CPEB3: variants seen among roughly 807,000 people sequenced by gnomAD.
CPEB3 encodes the protein cytoplasmic polyadenylation element binding protein 3.
A neutral mutation model predicts 67.2 loss-of-function variants in CPEB3; 20 were observed. That is an observed-to-expected ratio of 0.30 (90% CI 0.21 to 0.43). CPEB3 has a LOEUF of 0.43. Ranked by LOEUF, CPEB3 falls within the 20% of genes least tolerant of loss-of-function variation. The pLI, the probability that CPEB3 is intolerant of heterozygous loss-of-function variation, is 1.00. For synonymous variants in CPEB3, 376 were observed against 393.1 expected, an observed-to-expected ratio of 0.96 and a Z score of 0.51; for missense variants, 746 against 968.6, an observed-to-expected ratio of 0.77 and a Z score of 3.05.
intron 6 of CPEB3, among the ~76,000 whole-genome samples, chr10:92,136,526 A>G (rs1846104332): frequency 6.6e-6 from 1 of 152,156 alleles, no homozygotes; most frequent in Admixed American, 6.5e-5. Flanking sequence ...AACGGGCAAA[A>G]GAGAGTTTCT....
chr10:92,155,328 A>G (rs560770695), intron 4 of CPEB3, among the ~76,000 whole-genome samples: 74 of 152,342 alleles, frequency 4.9e-4, no homozygotes, highest in Admixed American at 1.3e-3. Context: ...CTTAATTTTT[A>G]TTCTTTTTGG....
At chr10:92,265,232 G>T (rs1315052444) in intron 1 of CPEB3, among the ~76,000 whole-genome samples, 1 of 152,042 alleles carries the variant, frequency 6.6e-6, no homozygotes. Context: ...AAGACTTGTG[G>T]TTGTTGGGCC....
chr10:92,070,529 C>T (rs1343598184), intron 9 of CPEB3, among the ~76,000 whole-genome samples: 1 of 152,090 alleles, frequency 6.6e-6, no homozygotes, highest in African/African-American at 2.4e-5. Flanking sequence ...GTAATCCCAG[C>T]ACTTTGGGAG....
At chr10:92,201,140 G>A (rs916118428) in intron 2 of CPEB3, among the ~76,000 whole-genome samples, 1 of 152,176 alleles carries the variant, frequency 6.6e-6, no homozygotes, top group Non-Finnish European at 1.5e-5. Flanking sequence ...GCTTAGCAGT[G>A]TGCTAGGGAA....
chr10:92,262,424 C>CT (rs1852844254), intron 1 of CPEB3, among the ~76,000 whole-genome samples: 1 of 152,150 alleles, frequency 6.6e-6, no homozygotes, highest in Non-Finnish European at 1.5e-5. Context: ...TTGTACAACT[C>CT]TAAGAGTTAA....
At chr10:92,068,381 C>A (rs1014449946) in intron 9 of CPEB3, among the ~76,000 whole-genome samples, 19 of 152,076 alleles carry the variant, frequency 1.2e-4, no homozygotes, top group African/African-American at 3.1e-4. Flanking sequence ...CATGGTATCA[C>A]CCCCTCAGGG....
intron 1 of CPEB3, among the ~76,000 whole-genome samples, chr10:92,250,581 T>C (rs1027963858): frequency 2.0e-5 from 3 of 152,210 alleles, no homozygotes; most frequent in Non-Finnish European, 2.9e-5. Flanking sequence ...ATTCATTTAC[T>C]GCTCACTCAC....
At chr10:92,104,988 A>ACAG (rs1844374803) in intron 7 of CPEB3, among the ~76,000 whole-genome samples, 10 of 150,894 alleles carry the variant, frequency 6.6e-5, no homozygotes, top group African/African-American at 1.7e-4. Context: ...GCAGCCTCGG[A>ACAG]CTCCTGACCT....
Position 92,111,090 on chromosome 10 carries a change from T to C in CPEB3, c.1558A>G (p.Ile520Val). ...KLYLCVSSPT[I>V]KDKPVQIRPW... Reference sequence around the variant, plus strand: ...GTATTACTTACTGGCTTGTCCTTGATGGTGGGGCTTGACACACACAGGTAG... The same window carrying C: ...GTATTACTTACTGGCTTGTCCTTGACGGTGGGGCTTGACACACACAGGTAG... Residue 520 changes from isoleucine (I) to valine (V), a missense_variant, in exon 7 of 10, where the codon ATC (isoleucine) becomes GTC (valine). Coordinates refer to ENST00000265997, the MANE Select transcript of CPEB3 (RefSeq NM_014912.5). 6.2e-7 allele frequency: 1 copy of C among 1,612,416 alleles called. No homozygotes were observed. Among genetic ancestry groups the C allele is most frequent in the Non-Finnish European group, 8.5e-7 (1 of 1,178,402 alleles).
At chr10:92,219,905 C>A (rs1373333008) in intron 2 of CPEB3, among the ~76,000 whole-genome samples, 1 of 152,204 alleles carries the variant, frequency 6.6e-6, no homozygotes, top group East Asian at 1.9e-4. Context: ...CGCCTGTAAT[C>A]CCAACACTTT....
intron 1 of CPEB3, among the ~76,000 whole-genome samples, chr10:92,251,385 CCTCTT>C (rs896841012): frequency 2.0e-5 from 3 of 152,014 alleles, no homozygotes; most frequent in East Asian, 3.8e-4. Context: ...TCTCTTCTCT[CCTCTT>C]CTCTCTCTCT....
At chr10:92,145,261 C>T in intron 4 of CPEB3, 176 bp from the exon 5 acceptor site, 1 of 657,154 alleles carries the variant, frequency 1.5e-6, no homozygotes, top group East Asian at 2.7e-5. Flanking sequence ...TGAATATTAC[C>T]AGATAACTTT....
intron 4 of CPEB3, among the ~76,000 whole-genome samples, chr10:92,164,447 G>A (rs1466658699): frequency 4.6e-5 from 7 of 152,084 alleles, no homozygotes; most frequent in Non-Finnish European, 1.0e-4. Flanking sequence ...TTCTTTGTGT[G>A]CTTTTGCAGT....
intron 1 of CPEB3, among the ~76,000 whole-genome samples, chr10:92,267,871 T>C (rs1212016084): frequency 1.3e-5 from 2 of 152,242 alleles, no homozygotes; most frequent in East Asian, 3.8e-4. Context: ...CAGGATGGAC[T>C]GCAGTGGCAC....
Position 92,239,048 on chromosome 10 carries a change from T to C in CPEB3, c.1005+298A>G, listed in dbSNP as rs1851679661. ...CCTTGCCACACACTTGCAGCTTTAC[T>C]TGTCAAAGGAAGTCAAAATAAGAGG... On this transcript the variant is annotated intron_variant, in intron 2 of 9. Coordinates refer to ENST00000265997, the MANE Select transcript of CPEB3 (RefSeq NM_014912.5). The surrounding 1 kb of genome is among the most constrained non-coding windows in gnomAD (Gnocchi z 6.0). Among the ~76,000 whole-genome samples the C allele has an allele frequency of 6.6e-6, 1 of 152,112 alleles. No homozygotes were observed. The highest frequency in any genetic ancestry group is 2.1e-4 in the South Asian group (1 of 4,824).
chr10:92,202,737 T>C (rs565000938), intron 2 of CPEB3, among the ~76,000 whole-genome samples: 1 of 151,904 alleles, frequency 6.6e-6, no homozygotes. Flanking sequence ...AAAATGCAGA[T>C]TGACTGCTAG....
intron 9 of CPEB3, among the ~76,000 whole-genome samples, chr10:92,055,033 G>C (rs1464600548): frequency 6.6e-6 from 1 of 152,200 alleles, no homozygotes; most frequent in African/African-American, 2.4e-5. Context: ...CTTAATTAGT[G>C]CTCCATCAGT....
At chr10:92,282,146 A>G (rs756575541) in intron 1 of CPEB3, among the ~76,000 whole-genome samples, 11 of 152,214 alleles carry the variant, frequency 7.2e-5, no homozygotes, top group Non-Finnish European at 1.2e-4. Flanking sequence ...CCAGGGATAC[A>G]TAAGCCAAAG....
chr10:92,239,255 TA>T lies in CPEB3; in HGVS notation c.1005+90del. On this transcript the variant is annotated intron_variant, in intron 2 of 9. Coordinates refer to ENST00000265997, the MANE Select transcript of CPEB3 (RefSeq NM_014912.5). The surrounding 1 kb of genome is among the most constrained non-coding windows in gnomAD (Gnocchi z 6.0). The stretch of plus-strand genomic sequence containing the variant: ...AGGAGCTGGACATTGCTGCCCTTTT[TA>T]AATATAAGCGGGTGGATGATTAAAA... 4 of 1,415,708 alleles carry T rather than the reference TA, an allele frequency of 2.8e-6. No individual in the cohort carries two copies. The highest frequency in any genetic ancestry group is 5.0e-5 in the East Asian group (2 of 40,308). The allele number at this position is 1,415,708 out of a possible 1,614,324, so 87.7% of individuals were successfully genotyped here.
Sources: gnomAD v4.1 joint callset for allele counts (sites outside exome capture counted in the v4.1 genomes callset) on GRCh38, gnomAD v4.1.1 for gene constraint, Gnocchi (gnomAD v3.1) non-coding constraint, MANE v1.5 for transcripts, NCBI Gene and HGNC (gene_info 2026-07-23, HGNC 2026-07-21) for gene names.